AGBL4: variants seen among roughly 807,000 people sequenced by gnomAD.
AGBL4 encodes cytosolic carboxypeptidase 6.
A neutral mutation model predicts 66.4 loss-of-function variants in AGBL4; 58 were observed. The ratio of observed to expected loss-of-function variants is 0.87; its 90% CI spans 0.71 to 1.09. The LOEUF is 1.09. AGBL4 is among the 50% of genes least tolerant of loss of function. AGBL4 has a pLI of 0.00. For missense variants in AGBL4, 579 were observed against 631.0 expected, an observed-to-expected ratio of 0.92 and a Z score of 0.88; for synonymous variants, 234 against 222.9, an observed-to-expected ratio of 1.05 and a Z score of -0.44.
At chr1:49,696,134 A>T (rs1646979064) in intron 3 of AGBL4, among the ~76,000 whole-genome samples, 1 of 152,152 alleles carries the variant, frequency 6.6e-6, no homozygotes, top group Non-Finnish European at 1.5e-5. Context: ...TAGATGTTGG[A>T]TTGCAGGACT....
At chr1:50,000,239 C>T (rs371021269) in intron 1 of AGBL4, among the ~76,000 whole-genome samples, 2 of 151,854 alleles carry the variant, frequency 1.3e-5, no homozygotes. Flanking sequence ...AACAAACAAC[C>T]CCATCAAAAA....
At chr1:49,012,969 G>C (rs1662559033) in intron 5 of AGBL4, among the ~76,000 whole-genome samples, 1 of 152,164 alleles carries the variant, frequency 6.6e-6, no homozygotes, top group Non-Finnish European at 1.5e-5. Flanking sequence ...TGTTATAAAA[G>C]CCAGGTCAGC....
At chr1:48,732,774 C>T (rs1332863243) in intron 6 of AGBL4, among the ~76,000 whole-genome samples, 3 of 152,118 alleles carry the variant, frequency 2.0e-5, no homozygotes, top group Non-Finnish European at 4.4e-5. Flanking sequence ...GTCAAGGGCA[C>T]ACTGAAGGCA....
At chr1:49,613,524 C>G (rs540061582) in intron 3 of AGBL4, among the ~76,000 whole-genome samples, 7 of 152,190 alleles carry the variant, frequency 4.6e-5, no homozygotes, top group Non-Finnish European at 8.8e-5. Flanking sequence ...ACTGCCTGAG[C>G]TTTGCCTCCT....
chr1:49,738,287 C>A (rs1376925458), intron 2 of AGBL4, among the ~76,000 whole-genome samples: 1 of 152,208 alleles, frequency 6.6e-6, no homozygotes, highest in Non-Finnish European at 1.5e-5. Context: ...GGGTCCTACG[C>A]CCACGGAGCC....
chr1:49,665,225 C>G (rs1306616213), intron 3 of AGBL4, among the ~76,000 whole-genome samples: 1 of 152,098 alleles, frequency 6.6e-6, no homozygotes, highest in South Asian at 2.1e-4. Flanking sequence ...TCCAACAATC[C>G]TAATAGACTT....
At chr1:49,966,348 G>A (rs1314514480) in intron 1 of AGBL4, among the ~76,000 whole-genome samples, 1 of 152,070 alleles carries the variant, frequency 6.6e-6, no homozygotes, top group Non-Finnish European at 1.5e-5. Context: ...ATTGTATCCT[G>A]TTTCTGCATG....
rs778513765 is a variant in AGBL4 at position 49,851,489 on chromosome 1, C to T, written c.64G>A (p.Gly22Arg). 2 of 1,549,878 alleles carry T rather than the reference C, an allele frequency of 1.3e-6. No individual in the cohort carries two copies. The highest frequency in any genetic ancestry group is 2.5e-5 in the East Asian group (1 of 40,784). The part of the protein sequence containing the change: ...GNDMGNDDAI[G>R]GNVSKYIVLP... ...ACTATATATTTGCTCACATTCCCTC[C>T]AATGGCATCATCATTTCCCATATCA... Residue 22 changes from glycine (G) to arginine (R), a missense_variant, in exon 2 of 14, where the codon GGA becomes AGA. Gly to Arg is a moderately radical substitution (Grantham distance 125, BLOSUM62 -2). Coordinates refer to ENST00000371839, the MANE Select transcript of AGBL4 (RefSeq NM_032785.4).
chr1:49,961,095 G>A (rs1033840432), intron 1 of AGBL4, among the ~76,000 whole-genome samples: 1 of 152,114 alleles, frequency 6.6e-6, no homozygotes, highest in African/African-American at 2.4e-5. Flanking sequence ...AAGAGTTTTA[G>A]AGGCCATAGA....
chr1:49,056,119 C>G (rs1644303599), intron 4 of AGBL4, among the ~76,000 whole-genome samples: 2 of 152,012 alleles, frequency 1.3e-5, no homozygotes, highest in African/African-American at 4.8e-5. Context: ...AAATCAGGAA[C>G]CTGAGTTAAC....
chr1:49,061,110 C>T (rs1416577522), intron 4 of AGBL4, among the ~76,000 whole-genome samples: 1 of 152,108 alleles, frequency 6.6e-6, no homozygotes, highest in African/African-American at 2.4e-5. Context: ...GCATAAGTAG[C>T]CAATGACTTT....
At chr1:49,279,287 C>G (rs1644230227) in intron 3 of AGBL4, among the ~76,000 whole-genome samples, 1 of 152,246 alleles carries the variant, frequency 6.6e-6, no homozygotes, top group Middle Eastern at 3.4e-3. Context: ...ACCTGTCTTA[C>G]AAGGTAGAGT....
chr1:49,438,372 C>T (rs924256095), intron 3 of AGBL4, among the ~76,000 whole-genome samples: 11 of 152,058 alleles, frequency 7.2e-5, no homozygotes, highest in Admixed American at 1.3e-4. Flanking sequence ...TATTTAAACA[C>T]GAAAACAGAA....
chr1:49,205,334 G>T (rs890497058), intron 4 of AGBL4, among the ~76,000 whole-genome samples: 29 of 152,000 alleles, frequency 1.9e-4, no homozygotes, highest in African/African-American at 7.0e-4. Context: ...CCCCTTAAAT[G>T]ACCTCCATCC....
intron 6 of AGBL4, among the ~76,000 whole-genome samples, chr1:48,702,673 C>G (rs1646820589): frequency 6.6e-6 from 1 of 152,138 alleles, no homozygotes; most frequent in African/African-American, 2.4e-5. Context: ...AGGCTGGCAT[C>G]CAGGAACACC....
intron 4 of AGBL4, among the ~76,000 whole-genome samples, chr1:49,106,244 AGGGTTTTACCTTGCT>A (rs1645290145): frequency 6.6e-6 from 1 of 152,202 alleles, no homozygotes; most frequent in African/African-American, 2.4e-5. Context: ...CTTTACCAAA[AGGGTTTTACCTTGCT>A]TAAATCACAC....
chr1:49,181,391 C>T (rs1646928602), intron 4 of AGBL4, among the ~76,000 whole-genome samples: 1 of 152,198 alleles, frequency 6.6e-6, no homozygotes. Context: ...TTGTCTAGAA[C>T]TTGATCATCT....
chr1:49,144,494 C>G (rs2148104577), intron 4 of AGBL4, among the ~76,000 whole-genome samples: 1 of 150,966 alleles, frequency 6.6e-6, no homozygotes, highest in South Asian at 2.1e-4. Context: ...GCCCAGCTCA[C>G]TTCTGTGCAA....
intron 3 of AGBL4, among the ~76,000 whole-genome samples, chr1:49,674,414 T>C (rs1459070971): frequency 6.6e-6 from 1 of 151,830 alleles, no homozygotes; most frequent in Non-Finnish European, 1.5e-5. Context: ...GATCTTCATC[T>C]TAACTTGCCC....
Sources: allele counts gnomAD v4.1 joint callset (sites outside exome capture counted in the v4.1 genomes callset), GRCh38; gene constraint gnomAD v4.1.1; transcripts MANE v1.5; gene names NCBI Gene and HGNC (gene_info 2026-07-23, HGNC 2026-07-21).